Variants in PZP observed in about 807,000 individuals in gnomAD.
PZP encodes the protein pregnancy zone protein.
Under a neutral mutation model 179.8 loss-of-function variants are expected in PZP, and 150 were observed. That is an observed-to-expected ratio of 0.83 (90% CI 0.73 to 0.96). The LOEUF (loss-of-function observed/expected upper bound fraction) is 0.96. Ranked by LOEUF, PZP falls within the 40% of genes least tolerant of loss-of-function variation. The probability of loss-of-function intolerance (pLI) is 0.00; values close to 1 mark genes in which losing one functional copy is unlikely to be tolerated. For synonymous variants in PZP, 624 were observed against 652.3 expected, an observed-to-expected ratio of 0.96 and a Z score of 0.66; for missense variants, 1,689 against 1,764.0, an observed-to-expected ratio of 0.96 and a Z score of 0.76.
rs1447250172 is a variant in PZP, at chr12:9,154,615, C to T, written c.3774+1G>A. On this transcript the variant is annotated splice_donor_variant, in intron 29 of 35. Coordinates refer to ENST00000261336, the MANE Select transcript of PZP (RefSeq NM_002864.3). LOFTEE classifies it high-confidence loss of function. ...CAGAAGACTCTTTGGGAACCACTGA[C>T]CTGGGTGGAGGAGAAACCACCTTGG... is the stretch of plus-strand genomic sequence containing the variant. 1.2e-6 allele frequency: 2 copies of T among 1,613,840 alleles called. No individual in the cohort carries two copies. Among genetic ancestry groups the T allele is most frequent in the Non-Finnish European group, 1.7e-6 (2 of 1,179,808 alleles).
intron 15 of PZP, among the ~76,000 whole-genome samples, chr12:9,180,137 TA>T (rs1439136830): frequency 6.6e-6 from 1 of 152,176 alleles, no homozygotes; most frequent in Non-Finnish European, 1.5e-5. Flanking sequence ...TTTATTTATT[TA>T]TTTATTTTAT....
intron 17 of PZP, among the ~76,000 whole-genome samples, chr12:9,168,172 A>G (rs778238941): frequency 6.6e-6 from 1 of 152,240 alleles, no homozygotes; most frequent in Non-Finnish European, 1.5e-5. Context: ...AAGAGCCATT[A>G]GTCAAATTCC....
At chr12:9,172,735 A>C in intron 15 of PZP, among the ~76,000 whole-genome samples, 1 of 152,316 alleles carries the variant, frequency 6.6e-6, no homozygotes, top group South Asian at 2.1e-4. Flanking sequence ...AAAGAAGGGT[A>C]GTATATAATA....
intron 25 of PZP, among the ~76,000 whole-genome samples, chr12:9,159,275 T>C (rs946334170): frequency 1.3e-5 from 2 of 152,120 alleles, no homozygotes; most frequent in Non-Finnish European, 2.9e-5. Flanking sequence ...AACCTAAAAG[T>C]GTTCTCAATT....
At position 9,151,650 on chromosome 12, in the gene PZP, C is replaced by T. The variant is rs367786998; in HGVS notation, c.4235G>A (p.Ser1412Asn). Residue 1412 changes from serine (S) to asparagine (N), a missense_variant, in exon 33 of 36, where the codon AGC becomes AAC. By Grantham distance (46) the Ser-to-Asn change is conservative. Around this residue, in one of 3 missense-constraint regions of PZP, gnomAD observed 746 missense variants for 749.2 expected, o/e 1.00. Transcript: ENST00000261336. ...ATGGTTGTTGCTCACTTCTGTCCGG[C>T]TCACAGAGCTAGATCTTTCAAGCTG... ...VKMLERSSSV[S>N]RTEVSNNHVL... The T allele has an allele frequency of 9.8e-5, 158 of 1,613,686 alleles. No homozygotes were observed. Among genetic ancestry groups the T allele is most frequent in the Non-Finnish European group, 1.3e-4 (150 of 1,179,842 alleles).
intron 34 of PZP, 125 bp from the exon 35 acceptor site, chr12:9,149,727 T>C: frequency 1.3e-6 from 1 of 764,514 alleles, no homozygotes; most frequent in Non-Finnish European, 2.1e-6. Flanking sequence ...AAACTTCATG[T>C]AAATAGACAA....
At position 9,149,561 on chromosome 12, in the gene PZP, C is replaced by T. The variant is rs746934884; in HGVS notation, c.4426G>A (p.Asp1476Asn). The stretch of plus-strand genomic sequence containing the variant: ...CTGGTCATAAGTGGTGAACTCTTAC[C>T]TGTGCTGCAGGGGGCGATATACTCA... ...VAEYIAPCST[D>N]TEHGNV The change falls in exon 35 of 36, where the codon GAT becomes AAT. Residue 1476 changes from aspartate to asparagine, a missense_variant and splice_region_variant. Physicochemically the swap from Asp to Asn is conservative, Grantham distance 23. Coordinates refer to ENST00000261336, the MANE Select transcript of PZP (RefSeq NM_002864.3). 3.7e-6 allele frequency: 6 copies of T among 1,612,394 alleles called. No homozygotes were observed. Among genetic ancestry groups the T allele is most frequent in the South Asian group, 2.2e-5 (2 of 90,874 alleles).
At chr12:9,176,411 A>G (rs12303017) in intron 15 of PZP, among the ~76,000 whole-genome samples, 4,255 of 152,314 alleles carry the variant, frequency 0.028, 179 homozygotes, top group African/African-American at 0.093. Flanking sequence ...ATGTTTACCT[A>G]TGTAACAACC....
chr12:9,175,035 G>A (rs10743616), intron 15 of PZP, among the ~76,000 whole-genome samples: 90,424 of 152,046 alleles, frequency 0.59, 27,830 homozygotes, highest in East Asian at 0.83. Context: ...CAAAGCTGGA[G>A]GCATCATGTT....
chr12:9,199,167 C>T (rs1264520797), intron 7 of PZP, among the ~76,000 whole-genome samples: 1 of 152,148 alleles, frequency 6.6e-6, no homozygotes, highest in Non-Finnish European at 1.5e-5. Flanking sequence ...CTCATCACTG[C>T]CGATTCTGAG....
At chr12:9,166,287 T>G in intron 17 of PZP, 85 bp from the exon 18 acceptor site, 6 of 1,370,650 alleles carry the variant, frequency 4.4e-6, no homozygotes, top group Non-Finnish European at 6.0e-6. Flanking sequence ...AACAAAATTT[T>G]CAGTTTTCCT....
In PZP at chr12:9,160,498, A is replaced by T. The variant is rs1016717791; in HGVS notation, c.2873-8T>A. 21 of 1,606,838 alleles carry T rather than the reference A, an allele frequency of 1.3e-5. No individual in the cohort carries two copies. Among genetic ancestry groups the T allele is most frequent in the Admixed American group, 1.7e-5 (1 of 58,302 alleles). ...CAGAACCTAATATGTCACCTGGGGA[A>T]TGTGAAAGATTAGATGTCAGAATAA... On this transcript the variant is annotated splice_region_variant and splice_polypyrimidine_tract_variant and intron_variant, in intron 23 of 35. Coordinates refer to ENST00000261336, the MANE Select transcript of PZP (RefSeq NM_002864.3).
intron 23 of PZP, 48 bp from the exon 24 acceptor site, chr12:9,160,538 T>C: frequency 6.4e-7 from 1 of 1,554,812 alleles, no homozygotes; most frequent in Non-Finnish European, 8.8e-7. Flanking sequence ...AGTTCATAAA[T>C]AGCCAACATT....
intron 29 of PZP, 26 bp downstream of exon 29, chr12:9,154,590 C>G (rs769005926): frequency 1.9e-6 from 3 of 1,603,276 alleles, no homozygotes; most frequent in Admixed American, 3.3e-5. Context: ...GAACCTGGAG[C>G]AGAAGACTCT....
chr12:9,154,896 T>C (rs1940636245), intron 28 of PZP, 57 bp from the exon 29 acceptor site: 1 of 1,476,146 alleles, frequency 6.8e-7, no homozygotes, highest in Admixed American at 1.9e-5. Context: ...TTATAACTGG[T>C]AGATAAGAGA....
chr12:9,192,275 G>C lies in PZP; in HGVS notation c.1483-19C>G, dbSNP rs758114602. ...CCATGATCTGAAATGAAAAAACAGT[G>C]AAGGAAATTTCTTGAGCTGGACACA... On this transcript the variant is annotated intron_variant, in intron 12 of 35. Coordinates refer to ENST00000261336, the MANE Select transcript of PZP (RefSeq NM_002864.3). 2.5e-6 allele frequency: 4 copies of C among 1,612,012 alleles called. No homozygotes were observed. Among genetic ancestry groups the C allele is most frequent in the Non-Finnish European group, 3.4e-6 (4 of 1,178,202 alleles).
In PZP at chr12:9,166,061, A is replaced by G. The variant is rs753285276; in HGVS notation, c.2249T>C (p.Val750Ala). The change falls in exon 18 of 36, where the codon GTG (valine) becomes GCG (alanine). Residue 750 changes from valine to alanine, a missense_variant. Around this residue, in one of 3 missense-constraint regions of PZP, gnomAD observed 201 missense variants for 284.2 expected, o/e 0.71. Transcript: ENST00000261336. ...YFPETWIWEL[V>A]AVNSSGVAEV... ...AAGTAAAGTTACTTACTTCACTGCC[A>G]CCAACTCCCAGATCCAAGTCTCAGG... 67 of 1,606,502 alleles carry G rather than the reference A, an allele frequency of 4.2e-5. No individual in the cohort carries two copies. The South Asian group carries it at 4.4e-4, about 11-fold the overall frequency.
At chr12:9,207,511 G>A (rs915674373) in intron 1 of PZP, among the ~76,000 whole-genome samples, 1 of 152,200 alleles carries the variant, frequency 6.6e-6, no homozygotes, top group Non-Finnish European at 1.5e-5. Flanking sequence ...GGAGTTCTAT[G>A]GGATATGAAA....
chr12:9,202,692 G>C lies in PZP; in HGVS notation c.268-8C>G, dbSNP rs749752887. 9.3e-6 allele frequency: 15 copies of C among 1,612,058 alleles called. No homozygotes were observed. The Admixed American group carries it at 2.5e-4, about 27-fold the overall frequency. The stretch of plus-strand genomic sequence containing the variant: ...GGCTGAGATCCTTGGGAGCTAAAAA[G>C]CAAAGGATTTTTTACTACTGAGGAA... On this transcript the variant is annotated splice_region_variant and splice_polypyrimidine_tract_variant and intron_variant, in intron 2 of 35. Coordinates refer to ENST00000261336, the MANE Select transcript of PZP (RefSeq NM_002864.3).
Sources: gnomAD v4.1 joint callset for allele counts (sites outside exome capture counted in the v4.1 genomes callset) on GRCh38, gnomAD v4.1.1 for gene constraint, gnomAD v4.1.1 regional missense constraint, MANE v1.5 for transcripts, NCBI Gene and HGNC (gene_info 2026-07-23, HGNC 2026-07-21) for gene names.